The following RSPH14 variants were observed in gnomAD, a reference collection of about 807,000 sequenced individuals.
The protein encoded by RSPH14 is radial spoke head 14 homolog.
RSPH14 carries 20 observed loss-of-function variants against 26.7 expected under a neutral mutation model. The ratio of observed to expected loss-of-function variants is 0.75; its 90% CI spans 0.53 to 1.09. The LOEUF (loss-of-function observed/expected upper bound fraction) is 1.09. Ranked by LOEUF, RSPH14 falls within the 50% of genes least tolerant of loss-of-function variation. The pLI is 0.00. For synonymous variants in RSPH14, 177 were observed against 189.3 expected, an observed-to-expected ratio of 0.93 and a Z score of 0.53; for missense variants, 449 against 457.2, an observed-to-expected ratio of 0.98 and a Z score of 0.16.
the RSPH14 span, chr22:23,180,546 G>C: frequency 5.4e-6 from 1 of 186,278 alleles, no homozygotes; most frequent in East Asian, 1.3e-4. Flanking sequence ...GCGAGAGCCG[G>C]CTGGCTGAGC....
chr22:23,154,604 G>A, the RSPH14 span, among the ~76,000 whole-genome samples: 1 of 152,250 alleles, frequency 6.6e-6, no homozygotes, highest in East Asian at 1.9e-4. Flanking sequence ...TCACCCGTGT[G>A]ACCACAGGCC....
chr22:23,077,638 T>A (rs1046510469), intron 4 of RSPH14, among the ~76,000 whole-genome samples: 10 of 152,118 alleles, frequency 6.6e-5, no homozygotes, highest in African/African-American at 2.2e-4. Flanking sequence ...TAAGGAGGGC[T>A]GAGGCATGTA....
At chr22:23,115,079 T>A (rs766537663) in intron 4 of RSPH14, among the ~76,000 whole-genome samples, 19 of 152,142 alleles carry the variant, frequency 1.2e-4, no homozygotes, top group Non-Finnish European at 2.4e-4. Flanking sequence ...CCAGCTGGCC[T>A]TGCTCTGTGC....
intron 4 of RSPH14, among the ~76,000 whole-genome samples, chr22:23,098,939 C>T (rs909270050): frequency 6.6e-6 from 1 of 152,242 alleles, no homozygotes; most frequent in East Asian, 1.9e-4. Flanking sequence ...ACGTGCTGAA[C>T]TGTCCTCCCT....
intron 4 of RSPH14, among the ~76,000 whole-genome samples, chr22:23,085,653 C>T (rs180715795): frequency 7.2e-5 from 11 of 152,322 alleles, no homozygotes; most frequent in Admixed American, 2.6e-4. Context: ...CCAACAGCCT[C>T]CATCCCTTCA....
At chr22:23,159,185 C>T in the RSPH14 span, 13 of 1,611,078 alleles carry the variant, frequency 8.1e-6, no homozygotes, top group Non-Finnish European at 9.3e-6. Context: ...TGTGAGCAGG[C>T]CGAAGCAGAC....
intron 4 of RSPH14, among the ~76,000 whole-genome samples, chr22:23,081,219 C>T (rs1026515261): frequency 1.3e-5 from 2 of 152,166 alleles, no homozygotes; most frequent in Non-Finnish European, 2.9e-5. Context: ...GGTCCTTTGC[C>T]ACCTCACTTG....
chr22:23,070,336 C>A (rs1343572917), intron 4 of RSPH14: 2 of 136,206 alleles, frequency 1.5e-5, no homozygotes, highest in African/African-American at 5.1e-5. Flanking sequence ...CGGCGCGGGG[C>A]GGGCGGACCC....
intron 4 of RSPH14, among the ~76,000 whole-genome samples, chr22:23,082,243 G>A (rs949390843): frequency 2.0e-5 from 3 of 151,718 alleles, no homozygotes; most frequent in African/African-American, 7.3e-5. Flanking sequence ...TTTGTTTTGA[G>A]TCTCGCCCTG....
At chr22:23,145,445 T>C, upstream of RSPH14, 3 of 1,610,826 alleles carry the variant, frequency 1.9e-6, no homozygotes, top group South Asian at 3.3e-5. Flanking sequence ...ACGTCGACGA[T>C]TCGTGTAGCC....
At chr22:23,161,222 A>G in the RSPH14 span, among the ~76,000 whole-genome samples, 2 of 152,086 alleles carry the variant, frequency 1.3e-5, no homozygotes, top group Non-Finnish European at 2.9e-5. Context: ...CTCCTGACAC[A>G]TGGACCTCAT....
intron 4 of RSPH14, among the ~76,000 whole-genome samples, chr22:23,082,377 A>ATT (rs34931887): frequency 4.2e-4 from 49 of 116,488 alleles, no homozygotes; most frequent in African/African-American, 8.5e-4. Context: ...ACACCTGGCT[A>ATT]TTTTTTTTTT....
chr22:23,179,805 G>A, the RSPH14 span: 1 of 207,952 alleles, frequency 4.8e-6, no homozygotes. Flanking sequence ...CTGCCTTGCG[G>A]GGTGACCTGC....
chr22:23,139,887 C>G (rs2146455491), intron 2 of RSPH14, among the ~76,000 whole-genome samples: 1 of 152,212 alleles, frequency 6.6e-6, no homozygotes, highest in Middle Eastern at 3.4e-3. Context: ...ACAGCAAGAT[C>G]TTGTTTATAA....
In RSPH14 at chr22:23,061,934, T is replaced by C; in HGVS notation, c.665A>G (p.Glu222Gly). 1 of 1,613,976 alleles carries C rather than the reference T, an allele frequency of 6.2e-7. No homozygotes were observed. The highest frequency in any genetic ancestry group is 8.5e-7 in the Non-Finnish European group (1 of 1,179,994). Reference sequence around the variant, plus strand: ...AAAATGACACACCTGTTTCTTGCCCTCTCGAGATATGCTGGGGCAGAGAGG... The same window carrying C: ...AAAATGACACACCTGTTTCTTGCCCCCTCGAGATATGCTGGGGCAGAGAGG... ...RALLNVSISREGKKQVCHFDV... is the reference protein window; with the variant it reads ...RALLNVSISRGGKKQVCHFDV... Residue 222 changes from glutamate (E) to glycine (G), a missense_variant, in exon 6 of 7, where the codon GAG becomes GGG. Coordinates refer to ENST00000216036, the MANE Select transcript of RSPH14 (RefSeq NM_014433.3).
chr22:23,062,662 T>C (rs1006723044), intron 5 of RSPH14, among the ~76,000 whole-genome samples: 1 of 152,186 alleles, frequency 6.6e-6, no homozygotes, highest in Non-Finnish European at 1.5e-5. Flanking sequence ...GGAACACAGA[T>C]TGGGAAATGA....
At chr22:23,171,868 A>C in the RSPH14 span, among the ~76,000 whole-genome samples, 4 of 149,658 alleles carry the variant, frequency 2.7e-5, no homozygotes, top group East Asian at 2.0e-4. Flanking sequence ...AAAAAAAAAA[A>C]CAAGCAATGT....
intron 4 of RSPH14, chr22:23,070,235 G>A (rs559100518): frequency 6.7e-6 from 1 of 150,190 alleles, no homozygotes; most frequent in Non-Finnish European, 1.5e-5. Context: ...TGCCCGGCGC[G>A]TGGTGCCCGG....
intron 4 of RSPH14, among the ~76,000 whole-genome samples, chr22:23,084,396 T>C (rs1274712232): frequency 6.6e-6 from 1 of 152,140 alleles, no homozygotes; most frequent in Non-Finnish European, 1.5e-5. Context: ...CTGAGCACAT[T>C]TAAGGTAGGC....
Sources: gnomAD v4.1 joint callset for allele counts (sites outside exome capture counted in the v4.1 genomes callset) on GRCh38, gnomAD v4.1.1 for gene constraint, MANE v1.5 for transcripts, NCBI Gene and HGNC (gene_info 2026-07-23, HGNC 2026-07-21) for gene names.